ARAP1: variants seen among roughly 807,000 people sequenced by gnomAD.
ARAP1 encodes arf-GAP with Rho-GAP domain, ANK repeat and PH domain-containing protein 1.
Under a neutral mutation model 172.2 loss-of-function variants are expected in ARAP1, and 76 were observed. That is an observed-to-expected ratio of 0.44 (90% CI 0.37 to 0.53). The LOEUF is 0.53. Ranked by LOEUF, ARAP1 falls within the 20% of genes least tolerant of loss-of-function variation. The pLI, the probability that ARAP1 is intolerant of heterozygous loss-of-function variation, is 0.00. For missense variants in ARAP1, 1,686 were observed against 1,977.5 expected (o/e 0.85, Z 2.80); for synonymous variants, 804 against 803.3 (o/e 1.00, Z -0.01).
chr11:72,696,879 T>C, intron 22 of ARAP1, 104 bp downstream of exon 22: 1 of 1,249,790 alleles, frequency 8.0e-7, no homozygotes, highest in Non-Finnish European at 1.1e-6. Context: ...AACTGGAGCC[T>C]GTGGGTTAGG....
chr11:72,741,280 G>A lies in ARAP1; in HGVS notation c.-127-8683C>T, dbSNP rs920762104. ...CAACCAGGACATACTCTAGCCCACCGGGCTCATCTAATACATGGCATAGCT... is the reference window on the plus strand; with the variant it reads ...CAACCAGGACATACTCTAGCCCACCAGGCTCATCTAATACATGGCATAGCT... On this transcript the variant is annotated intron_variant, in intron 1 of 34. Transcript: ENST00000393609. This position sits in a 1 kb window ranked among gnomAD's most constrained non-coding sequence, Gnocchi z 4.5. Among the ~76,000 whole-genome samples the A allele has an allele frequency of 3.3e-5, 5 of 151,930 alleles. No homozygotes were observed. Among genetic ancestry groups the A allele is most frequent in the African/African-American group, 7.3e-5 (3 of 41,360 alleles).
chr11:72,709,607 G>A (rs11235576), intron 11 of ARAP1, among the ~76,000 whole-genome samples: 15,385 of 152,132 alleles, frequency 0.1, 1,126 homozygotes, highest in East Asian at 0.33. Flanking sequence ...GGGAGCAGGA[G>A]GCCAGATGGG....
At chr11:72,701,890 CCCCAGCT>C (rs1414203795) in intron 15 of ARAP1, 107 bp from the exon 16 acceptor site, 5 of 1,418,962 alleles carry the variant, frequency 3.5e-6, no homozygotes, top group Non-Finnish European at 4.8e-6. Context: ...GAATCATCAG[CCCCAGCT>C]CCCTAACTGG....
intron 1 of ARAP1, among the ~76,000 whole-genome samples, 196 bp downstream of exon 1, chr11:72,752,132 T>A (rs866230653): frequency 6.6e-6 from 1 of 151,918 alleles, no homozygotes. Flanking sequence ...TCACCCCCCT[T>A]CCCTACCGTC....
At chr11:72,687,366 A>C in intron 33 of ARAP1, 73 bp downstream of exon 33, 8 of 1,578,484 alleles carry the variant, frequency 5.1e-6, no homozygotes, top group Non-Finnish European at 7.0e-6. Flanking sequence ...ATAGCACAGA[A>C]GCCAATGTCC....
rs750768073 is a variant in ARAP1 at position 72,750,333 on chromosome 11, G to A, written c.-128+1995C>T. The stretch of plus-strand genomic sequence containing the variant: ...CTCCCCTCCCCCTACCCTGGGAACA[G>A]AGGCCACTTGTTTGGGCAGTGGCGG... On this transcript the variant is annotated intron_variant, in intron 1 of 34. Transcript: ENST00000393609. 3.1e-3 allele frequency among the ~76,000 whole-genome samples: 471 copies of A among 152,294 alleles called. 9 individuals are homozygous for A. The highest frequency in any genetic ancestry group is 6.3e-4 in the Non-Finnish European group (43 of 68,008).
chr11:72,694,860 A>G, intron 27 of ARAP1, 120 bp downstream of exon 27: 2 of 803,934 alleles, frequency 2.5e-6, no homozygotes. Context: ...TGACAGCAAC[A>G]TGTCATCAAA....
In ARAP1 at chr11:72,726,449, C is replaced by T. The variant is rs1315031476; in HGVS notation, c.509+171G>A. Among the ~76,000 whole-genome samples the T allele has an allele frequency of 6.6e-6, 1 of 152,172 alleles. No homozygotes were observed. Among genetic ancestry groups the T allele is most frequent in the African/African-American group, 2.4e-5 (1 of 41,432 alleles). On this transcript the variant is annotated intron_variant, in intron 3 of 34. Transcript: ENST00000393609. The surrounding 1 kb of genome is among the most constrained non-coding windows in gnomAD (Gnocchi z 6.5). ...GCGCTGAGTACCTGCACAGCTCTCCCCTCCTCCTGAGTCACCAGACAGCAA... is the reference window on the plus strand; with the variant it reads ...GCGCTGAGTACCTGCACAGCTCTCCTCTCCTCCTGAGTCACCAGACAGCAA...
chr11:72,712,763 GT>G (rs1857085827), intron 5 of ARAP1, 195 bp from the exon 6 acceptor site: 1 of 895,070 alleles, frequency 1.1e-6, no homozygotes, highest in African/African-American at 1.7e-5. Context: ...AGGAGAGCCA[GT>G]GGCAGAAACC....
At chr11:72,728,748 T>C (rs1027452321) in intron 2 of ARAP1, among the ~76,000 whole-genome samples, 1 of 151,870 alleles carries the variant, frequency 6.6e-6, no homozygotes, top group Non-Finnish European at 1.5e-5. Context: ...ACAACAGCGA[T>C]AGGAAGAAAA....
Position 72,692,763 on chromosome 11 carries a change from GC to G in ARAP1, c.3976del (p.Ala1326ProfsTer23), listed in dbSNP as rs1565209708. On this transcript the variant is annotated frameshift_variant, in exon 30 of 35. Transcript: ENST00000393609. LOFTEE classifies it high-confidence loss of function. ...CCCACAGCTACTCACGGTCTCAGGG[GC>G]CCCGCTCCACGGCCTCTGGCTCTGT... The part of the protein sequence containing the change: ...EVRSQRPWSG[A>X]PETSHRPEKE... 6.2e-7 allele frequency: 1 copy of G among 1,613,758 alleles called. No individual in the cohort carries two copies.
intron 2 of ARAP1, among the ~76,000 whole-genome samples, chr11:72,730,770 C>G (rs1319684677): frequency 6.6e-6 from 1 of 152,228 alleles, no homozygotes; most frequent in African/African-American, 2.4e-5. Context: ...TTACTGGCAC[C>G]TGCCAGAATT....
chr11:72,693,607 G>A lies in ARAP1; in HGVS notation c.3808+85C>T. On this transcript the variant is annotated intron_variant, in intron 28 of 34. Coordinates refer to ENST00000393609, the MANE Select transcript of ARAP1 (RefSeq NM_001040118.3). This position sits in a 1 kb window ranked among gnomAD's most constrained non-coding sequence, Gnocchi z 4.6. The stretch of plus-strand genomic sequence containing the variant: ...CCACTTGGCGCCCTCTGTCTGAGCT[G>A]TTCCTACCTGGCACCACCAGGTCCC... 1 of 1,534,584 alleles carries A rather than the reference G, an allele frequency of 6.5e-7. No homozygotes were observed. The highest frequency in any genetic ancestry group is 1.2e-5 in the South Asian group (1 of 81,054).
At position 72,685,570 on chromosome 11, in the gene ARAP1, C is replaced by A; in HGVS notation, c.*94G>T. The A allele has an allele frequency of 3.9e-6, 6 of 1,551,482 alleles. No individual in the cohort carries two copies. The South Asian group carries it at 6.7e-5, about 17-fold the overall frequency. Reference sequence around the variant, plus strand: ...GTGGGGTGCAGTTTCCCATGCACCCCCCGCTGGCTCACATCAGGCCTTGGA... The same window carrying A: ...GTGGGGTGCAGTTTCCCATGCACCCACCGCTGGCTCACATCAGGCCTTGGA... On this transcript the variant is annotated 3_prime_UTR_variant, in exon 35 of 35. Transcript: ENST00000393609.
chr11:72,723,979 C>T (rs377009729), intron 3 of ARAP1, among the ~76,000 whole-genome samples: 3 of 152,306 alleles, frequency 2.0e-5, no homozygotes, highest in East Asian at 3.9e-4. Context: ...TGCACACTCG[C>T]GGATGTACTC....
At chr11:72,736,823 G>GA (rs1858043457) in intron 1 of ARAP1, among the ~76,000 whole-genome samples, 2 of 152,208 alleles carry the variant, frequency 1.3e-5, no homozygotes, top group Admixed American at 1.3e-4. Context: ...TACAGACGAA[G>GA]AAACAAACAC....
intron 30 of ARAP1, among the ~76,000 whole-genome samples, chr11:72,690,336 G>T (rs1855886759): frequency 6.6e-6 from 1 of 152,180 alleles, no homozygotes; most frequent in South Asian, 2.1e-4. Flanking sequence ...TGACATGTGT[G>T]TGATGTAAGG....
chr11:72,706,214 C>T (rs145951349), intron 12 of ARAP1, among the ~76,000 whole-genome samples: 3 of 152,330 alleles, frequency 2.0e-5, no homozygotes, highest in Admixed American at 1.3e-4. Flanking sequence ...CTTCTAATCC[C>T]TGCTTTCACC....
chr11:72,700,593 AG>A (rs1431792422), intron 16 of ARAP1: 1 of 152,266 alleles, frequency 6.6e-6, no homozygotes, highest in Non-Finnish European at 1.5e-5. Flanking sequence ...CCACTGTTCT[AG>A]GATCTGGGGG....
Sources: allele counts gnomAD v4.1 joint callset (sites outside exome capture counted in the v4.1 genomes callset), GRCh38; gene constraint gnomAD v4.1.1; non-coding constraint Gnocchi (gnomAD v3.1); transcripts MANE v1.5; gene names NCBI Gene and HGNC (gene_info 2026-07-23, HGNC 2026-07-21).